The following PTPRD variants were observed in gnomAD, a reference collection of about 807,000 sequenced individuals.
PTPRD encodes receptor-type tyrosine-protein phosphatase delta.
In PTPRD, 34 loss-of-function variants were observed where a neutral mutation model predicts 214.5. The ratio of observed to expected loss-of-function variants is 0.16; its 90% CI spans 0.12 to 0.21. The LOEUF (loss-of-function observed/expected upper bound fraction) is 0.21, where lower values mean the gene tolerates loss of function less well. PTPRD is among the 10% of genes least tolerant of loss of function. The probability of loss-of-function intolerance (pLI) is 1.00; values close to 1 mark genes in which losing one functional copy is unlikely to be tolerated. For synonymous variants in PTPRD, 1,128 were observed against 845.7 expected (o/e 1.33, Z -5.79); for missense variants, 2,545 against 2,398.7 (o/e 1.06, Z -1.27).
intron 2 of PTPRD, among the ~76,000 whole-genome samples, chr9:10,514,277 AT>A (rs936395464): frequency 7.6e-4 from 115 of 150,926 alleles, no homozygotes; most frequent in African/African-American, 2.3e-3. Flanking sequence ...TCTTTTATGT[AT>A]TTTTTTTTAT....
At chr9:9,281,277 C>T (rs1416696969) in intron 9 of PTPRD, among the ~76,000 whole-genome samples, 2 of 151,130 alleles carry the variant, frequency 1.3e-5, no homozygotes, top group Non-Finnish European at 3.0e-5. Flanking sequence ...AAATTAAATA[C>T]TTCTGCTCTG....
At chr9:9,077,102 T>G (rs557743270) in intron 10 of PTPRD, among the ~76,000 whole-genome samples, 6 of 152,214 alleles carry the variant, frequency 3.9e-5, no homozygotes, top group African/African-American at 1.4e-4. Context: ...TATGTCTTCT[T>G]TTGAAAAATG....
chr9:9,608,298 G>A (rs536098476), intron 7 of PTPRD, among the ~76,000 whole-genome samples: 1 of 152,088 alleles, frequency 6.6e-6, no homozygotes, highest in Non-Finnish European at 1.5e-5. Context: ...ATGTACTAAA[G>A]TAATATATAC....
chr9:9,413,034 C>T (rs1225277420), intron 8 of PTPRD, among the ~76,000 whole-genome samples: 2 of 150,908 alleles, frequency 1.3e-5, no homozygotes, highest in African/African-American at 2.4e-5. Flanking sequence ...GGTTGTTATT[C>T]CATGCAGCTA....
chr9:8,496,839 T>C lies in PTPRD; in HGVS notation c.2349+403A>G, dbSNP rs949771596. Among the ~76,000 whole-genome samples, 3 of 152,228 alleles carry C rather than the reference T, an allele frequency of 2.0e-5. 1 individual carries two copies. In the South Asian group the frequency reaches 6.2e-4, roughly 32 times the overall value. Reference sequence around the variant, plus strand: ...ACTTTCTTAAAACATTATGAGATTTTTTTCTGTTTTAGCTCATCAGCTGTA... The same window carrying C: ...ACTTTCTTAAAACATTATGAGATTTCTTTCTGTTTTAGCTCATCAGCTGTA... On this transcript the variant is annotated intron_variant, in intron 26 of 45. Transcript: ENST00000381196.
intron 3 of PTPRD, among the ~76,000 whole-genome samples, chr9:10,078,514 T>TAAAAA (rs71485315): frequency 6.3e-5 from 5 of 78,754 alleles, no homozygotes; most frequent in Non-Finnish European, 1.2e-4. Context: ...AGACTCCATC[T>TAAAAA]AAAAAAAAAA....
intron 2 of PTPRD, among the ~76,000 whole-genome samples, chr9:10,479,652 A>AATAAATAAATAAATAAATACATAAATAC (rs144587771): frequency 7.4e-4 from 92 of 124,194 alleles, no homozygotes; most frequent in African/African-American, 2.6e-3. Flanking sequence ...TAAATAAATA[A>AATAAATAAATAAATAAATACATAAATAC]ATAAATAAAC....
Position 9,429,115 on chromosome 9 carries a change from C to A in PTPRD, c.-236-31633G>T, listed in dbSNP as rs572913253. On this transcript the variant is annotated intron_variant, in intron 8 of 45. Transcript: ENST00000381196. ...CTTCAAAAATCAATGAATCCAGGAA[C>A]TGGTTTTTTGAAAAGATCAATGAAA... 4.6e-5 allele frequency among the ~76,000 whole-genome samples: 7 copies of A among 152,206 alleles called. No homozygotes were observed. The East Asian group carries it at 1.4e-3, about 29-fold the overall frequency.
rs1047936061 is a variant in PTPRD, at chr9:8,376,785, G to A, written c.4387-59C>T. On this transcript the variant is annotated intron_variant, in intron 37 of 45. Coordinates refer to ENST00000381196, the MANE Select transcript of PTPRD (RefSeq NM_002839.4). ...GCTCATCAATTTCTCTATTAACTTT[G>A]CTTTGAGTTGCTGTTGAAGGAAAAC... The A allele has an allele frequency of 3.1e-6, 5 of 1,597,694 alleles. No homozygotes were observed. In the African/African-American group the frequency reaches 6.7e-5, roughly 22 times the overall value.
At chr9:10,369,375 G>A (rs73644432) in intron 2 of PTPRD, among the ~76,000 whole-genome samples, 3,696 of 152,106 alleles carry the variant, frequency 0.024, 160 homozygotes, top group African/African-American at 0.084. Context: ...GGCATCTAGT[G>A]TTCTTGTCCT....
intron 3 of PTPRD, among the ~76,000 whole-genome samples, chr9:10,208,535 C>T (rs1246211297): frequency 6.6e-6 from 1 of 152,054 alleles, no homozygotes; most frequent in East Asian, 1.9e-4. Context: ...AGACTAAAAC[C>T]GCTTGAACAG....
chr9:8,969,351 C>T (rs2099221868), intron 11 of PTPRD, among the ~76,000 whole-genome samples: 2 of 151,986 alleles, frequency 1.3e-5, no homozygotes, highest in Admixed American at 6.6e-5. Context: ...CAGACTATGA[C>T]CATCAAAGCC....
chr9:10,458,540 C>A (rs962742799), intron 2 of PTPRD, among the ~76,000 whole-genome samples: 3 of 152,128 alleles, frequency 2.0e-5, no homozygotes, highest in Non-Finnish European at 4.4e-5. Flanking sequence ...ACGAAAAGTT[C>A]TTCACCGTAG....
chr9:10,348,638 T>C (rs1233795857), intron 2 of PTPRD, among the ~76,000 whole-genome samples: 1 of 152,182 alleles, frequency 6.6e-6, no homozygotes, highest in Non-Finnish European at 1.5e-5. Flanking sequence ...ACCTCCCCTG[T>C]TTGCATATAA....
intron 11 of PTPRD, among the ~76,000 whole-genome samples, chr9:8,947,733 ATGT>A (rs2099074742): frequency 6.6e-6 from 1 of 152,086 alleles, no homozygotes; most frequent in Admixed American, 6.6e-5. Context: ...GGTTTGCTTT[ATGT>A]ACATGTTCTG....
chr9:9,970,408 G>GATCAAAAAAAAAAAA (rs2095016005), intron 4 of PTPRD, among the ~76,000 whole-genome samples: 1 of 141,910 alleles, frequency 7.0e-6, no homozygotes, highest in Non-Finnish European at 1.6e-5. Flanking sequence ...CGAGAGCCTG[G>GATCAAAAAAAAAAAA]GCGACAGCGA....
chr9:9,984,035 T>G (rs1177642981), intron 4 of PTPRD, among the ~76,000 whole-genome samples: 1 of 152,202 alleles, frequency 6.6e-6, no homozygotes, highest in Admixed American at 6.5e-5. Flanking sequence ...TGAGAAGCAG[T>G]AGCAGTGATT....
chr9:10,052,590 C>A (rs910726694), intron 3 of PTPRD, among the ~76,000 whole-genome samples: 1 of 152,084 alleles, frequency 6.6e-6, no homozygotes, highest in African/African-American at 2.4e-5. Context: ...ATTCTGAAAA[C>A]ACATGAGATG....
intron 11 of PTPRD, among the ~76,000 whole-genome samples, chr9:8,764,633 T>C (rs538399758): frequency 6.6e-6 from 1 of 151,878 alleles, no homozygotes. Context: ...CCATCTCTAC[T>C]AAAATACGAA....
Sources: allele counts gnomAD v4.1 joint callset (sites outside exome capture counted in the v4.1 genomes callset), GRCh38; gene constraint gnomAD v4.1.1; transcripts MANE v1.5; gene names NCBI Gene and HGNC (gene_info 2026-07-23, HGNC 2026-07-21).